TOP3A: variants seen among roughly 807,000 people sequenced by gnomAD.
TOP3A encodes the protein DNA topoisomerase 3-alpha.
Under a neutral mutation model 111.3 loss-of-function variants are expected in TOP3A, and 64 were observed. The observed-to-expected ratio is 0.57, with a 90% CI of 0.47 to 0.71. The LOEUF is 0.71. TOP3A is among the 30% of genes least tolerant of loss of function. The pLI, the probability that TOP3A is intolerant of heterozygous loss-of-function variation, is 0.00. For synonymous variants in TOP3A, 484 were observed against 485.1 expected (o/e 1.00, Z 0.03); for missense variants, 1,104 against 1,285.0 (o/e 0.86, Z 2.15).
intron 4 of TOP3A, among the ~76,000 whole-genome samples, chr17:18,305,777 G>C (rs1981543352): frequency 1.3e-5 from 2 of 152,172 alleles, no homozygotes; most frequent in Non-Finnish European, 2.9e-5. Context: ...GGCGCAGCTT[G>C]CAGTGAGTCG....
At position 18,274,696 on chromosome 17, in the gene TOP3A, C is replaced by T; in HGVS notation, c.*106G>A. 6.7e-7 allele frequency: 1 copy of T among 1,483,238 alleles called. No individual in the cohort carries two copies. Among genetic ancestry groups the T allele is most frequent in the South Asian group, 1.3e-5 (1 of 74,532 alleles). The allele number at this position is 1,483,238 out of a possible 1,614,324, so 91.9% of individuals were successfully genotyped here. On this transcript the variant is annotated 3_prime_UTR_variant, in exon 19 of 19. Transcript: ENST00000321105. ...CCCGACTCCAAAGGCCAACACTGTC[C>T]TCTAAGTTTCCAGGACACTAAATGG...
chr17:18,279,739 G>A (rs549836042), intron 17 of TOP3A, among the ~76,000 whole-genome samples: 156 of 152,218 alleles, frequency 1.0e-3, no homozygotes, highest in African/African-American at 3.4e-3. Context: ...CCAGGCTGGA[G>A]AGCAGTGGTG....
chr17:18,305,060 C>G (rs1597984358), intron 5 of TOP3A, 52 bp downstream of exon 5: 3 of 1,478,214 alleles, frequency 2.0e-6, no homozygotes, highest in East Asian at 4.5e-5. Context: ...CAAGAACACT[C>G]TATTTATGGA....
chr17:18,313,536 G>T (rs1174041632), intron 1 of TOP3A: 1 of 151,494 alleles, frequency 6.6e-6, no homozygotes. Flanking sequence ...TGGTATGATA[G>T]GGTAAAAATA....
chr17:18,279,416 C>T (rs1405469972), intron 17 of TOP3A, among the ~76,000 whole-genome samples: 1 of 151,654 alleles, frequency 6.6e-6, no homozygotes, highest in East Asian at 1.9e-4. Context: ...ACCAGTACGC[C>T]TGGCTGATTT....
intron 10 of TOP3A, 121 bp from the exon 11 acceptor site, chr17:18,292,973 G>A: frequency 2.1e-6 from 2 of 947,788 alleles, no homozygotes; most frequent in East Asian, 2.7e-5. Flanking sequence ...CTCAACTGAA[G>A]GCAGCCTACA....
At chr17:18,278,983 A>C (rs1285349164) in intron 17 of TOP3A, among the ~76,000 whole-genome samples, 1 of 152,146 alleles carries the variant, frequency 6.6e-6, no homozygotes, top group East Asian at 1.9e-4. Flanking sequence ...TCTCAAAAAA[A>C]ATTCTAAGAG....
At chr17:18,298,611 A>T (rs2142978499) in intron 9 of TOP3A, among the ~76,000 whole-genome samples, 1 of 151,856 alleles carries the variant, frequency 6.6e-6, no homozygotes, top group East Asian at 1.9e-4. Flanking sequence ...TGGAATAGAA[A>T]GGGGGGAAGG....
At chr17:18,305,780 G>C (rs1981543693) in intron 4 of TOP3A, among the ~76,000 whole-genome samples, 1 of 152,178 alleles carries the variant, frequency 6.6e-6, no homozygotes, top group Non-Finnish European at 1.5e-5. Flanking sequence ...GCAGCTTGCA[G>C]TGAGTCGAGA....
intron 17 of TOP3A, 106 bp downstream of exon 17, chr17:18,280,430 G>A (rs1444014821): frequency 1.5e-6 from 2 of 1,354,968 alleles, no homozygotes; most frequent in Non-Finnish European, 2.0e-6. Flanking sequence ...CGCCCCTGCA[G>A]GGCCTGAGTG....
At position 18,290,686 on chromosome 17, in the gene TOP3A, T is replaced by G; in HGVS notation, c.1468A>C (p.Ile490Leu). 7 of 1,596,428 alleles carry G rather than the reference T, an allele frequency of 4.4e-6. No individual in the cohort carries two copies. The highest frequency in any genetic ancestry group is 6.0e-6 in the Non-Finnish European group (7 of 1,169,520). The change falls in exon 13 of 19, where the codon ATC (isoleucine) becomes CTC (leucine). Residue 490 changes from isoleucine (I) to leucine (L), a missense_variant and splice_region_variant. Transcript: ENST00000321105. ...VYPYDHWSDK[I>L]LPVYEQGSHF... Reference sequence around the variant, plus strand: ...GATCCTTGCTCATAGACAGGGAGGATCTACAGGGAGCGGCAGGTGCAACAG... The same window carrying G: ...GATCCTTGCTCATAGACAGGGAGGAGCTACAGGGAGCGGCAGGTGCAACAG...
At chr17:18,306,850 G>A in intron 4 of TOP3A, 41 bp downstream of exon 4, 1 of 1,297,266 alleles carries the variant, frequency 7.7e-7, no homozygotes. Flanking sequence ...GTTTGACTCT[G>A]TGGTTTGACT....
chr17:18,273,525 C>G lies in TOP3A; in HGVS notation c.*1277G>C, dbSNP rs756911208. ...GAAGGACAGAGGCTGACGAGACCTC[C>G]CAGGGTGAGCTCCTTCCAGCACTGG... On this transcript the variant is annotated 3_prime_UTR_variant, in exon 19 of 19. Coordinates refer to ENST00000321105, the MANE Select transcript of TOP3A (RefSeq NM_004618.5). 6.6e-5 allele frequency among the ~76,000 whole-genome samples: 10 copies of G among 152,196 alleles called. No individual in the cohort carries two copies. The highest frequency in any genetic ancestry group is 1.5e-4 in the Non-Finnish European group (10 of 68,034).
chr17:18,288,461 AT>A (rs1449733624), intron 13 of TOP3A, among the ~76,000 whole-genome samples: 1 of 150,024 alleles, frequency 6.7e-6, no homozygotes, highest in Non-Finnish European at 1.5e-5. Context: ...TCTTTTAAAA[AT>A]ATTATTATTA....
chr17:18,299,554 CA>C lies in TOP3A; in HGVS notation c.990+4del. ...AGTGCCTGAAACAGCCTGTCTGGAACATACCACAGTGTCCAAGGCTTGAGGC... is the reference window on the plus strand; with the variant it reads ...AGTGCCTGAAACAGCCTGTCTGGAACTACCACAGTGTCCAAGGCTTGAGGC... On this transcript the variant is annotated splice_donor_region_variant and intron_variant, in intron 9 of 18. Coordinates refer to ENST00000321105, the MANE Select transcript of TOP3A (RefSeq NM_004618.5). The C allele has an allele frequency of 2.5e-6, 4 of 1,613,938 alleles. No individual in the cohort carries two copies. The highest frequency in any genetic ancestry group is 3.4e-6 in the Non-Finnish European group (4 of 1,179,822).
At chr17:18,278,871 G>A (rs550262296) in intron 17 of TOP3A, among the ~76,000 whole-genome samples, 9 of 152,276 alleles carry the variant, frequency 5.9e-5, no homozygotes, top group African/African-American at 1.7e-4. Context: ...CCAGCTACTC[G>A]GGAGGCTGAG....
intron 9 of TOP3A, among the ~76,000 whole-genome samples, chr17:18,296,246 C>G (rs1379857108): frequency 6.6e-6 from 1 of 152,120 alleles, no homozygotes; most frequent in African/African-American, 2.4e-5. Flanking sequence ...CACACTACAG[C>G]ACACTTAACC....
chr17:18,293,788 G>C (rs1443263761), intron 10 of TOP3A, among the ~76,000 whole-genome samples: 5 of 151,566 alleles, frequency 3.3e-5, no homozygotes, highest in African/African-American at 1.2e-4. Context: ...GTAGAGATGG[G>C]GTTTCACCAT....
intron 9 of TOP3A, among the ~76,000 whole-genome samples, chr17:18,298,271 C>G (rs1200198008): frequency 6.6e-6 from 1 of 150,952 alleles, no homozygotes; most frequent in Non-Finnish European, 1.5e-5. Context: ...GCCCAGCAGC[C>G]ACCCCGTCTG....
Sources: allele counts gnomAD v4.1 joint callset (sites outside exome capture counted in the v4.1 genomes callset), GRCh38; gene constraint gnomAD v4.1.1; transcripts MANE v1.5; gene names NCBI Gene and HGNC (gene_info 2026-07-23, HGNC 2026-07-21).